SLC38A6: variants seen among roughly 807,000 people sequenced by gnomAD.
SLC38A6 encodes solute carrier family 38 member 6.
Under a neutral mutation model 65.0 loss-of-function variants are expected in SLC38A6, and 73 were observed. The observed-to-expected ratio is 1.12, with a 90% confidence interval of 0.93 to 1.37. The LOEUF (loss-of-function observed/expected upper bound fraction) is 1.37. SLC38A6 is among the 40% of genes most tolerant of loss of function. The pLI is 0.00. For synonymous variants in SLC38A6, 183 were observed against 178.8 expected (o/e 1.02, Z -0.19); for missense variants, 561 against 531.1 (o/e 1.06, Z -0.55).
intron 3 of SLC38A6, among the ~76,000 whole-genome samples, chr14:60,986,880 G>A (rs977751800): frequency 6.6e-6 from 1 of 152,146 alleles, no homozygotes; most frequent in Non-Finnish European, 1.5e-5. Context: ...TTATGTGGGA[G>A]TAGTATTCAG....
At chr14:61,001,547 G>T (rs2038710264) in intron 3 of SLC38A6, among the ~76,000 whole-genome samples, 2 of 152,162 alleles carry the variant, frequency 1.3e-5, no homozygotes, top group African/African-American at 2.4e-5. Context: ...ACACACTTAT[G>T]CAGAACTTAG....
intron 3 of SLC38A6, among the ~76,000 whole-genome samples, chr14:61,011,380 C>T (rs2039554169): frequency 6.6e-6 from 1 of 152,074 alleles, no homozygotes; most frequent in Non-Finnish European, 1.5e-5. Flanking sequence ...ATTTCCTTCT[C>T]CTGCCTGATT....
At chr14:61,074,178 A>T (rs1015315791) in intron 15 of SLC38A6, among the ~76,000 whole-genome samples, 1 of 152,234 alleles carries the variant, frequency 6.6e-6, no homozygotes, top group African/African-American at 2.4e-5. Flanking sequence ...TGACCCCCAC[A>T]TTGTTCAAAG....
chr14:61,075,493 T>C (rs991542087), intron 15 of SLC38A6, among the ~76,000 whole-genome samples: 2 of 152,194 alleles, frequency 1.3e-5, no homozygotes, highest in Non-Finnish European at 2.9e-5. Flanking sequence ...AACCAACTTT[T>C]CCTAATTCTC....
chr14:61,013,479 T>C (rs2039743262), intron 3 of SLC38A6, among the ~76,000 whole-genome samples: 1 of 152,232 alleles, frequency 6.6e-6, no homozygotes, highest in Non-Finnish European at 1.5e-5. Context: ...CTTCCTAGCC[T>C]TGATGGTCTT....
rs774265572 is a variant in SLC38A6, at chr14:61,052,118, T to C, written c.1273T>C (p.Ser425Pro). The C allele has an allele frequency of 1.3e-6, 2 of 1,563,722 alleles. No homozygotes were observed. The highest frequency in any genetic ancestry group is 2.5e-5 in the South Asian group (2 of 80,560). Reference sequence around the variant, plus strand: ...TAAACTTAGCAGAGAGGATTTTCTGTCATGGAAAAAGCTTGGGGTAGGTTG... The same window carrying C: ...TAAACTTAGCAGAGAGGATTTTCTGCCATGGAAAAAGCTTGGGGTAGGTTG... ...YLKLSREDFL[S>P]WKKLGAFVLL... The change falls in exon 15 of 16, where the codon TCA becomes CCA. Residue 425 changes from serine to proline, a missense_variant. Transcript: ENST00000267488.
At chr14:61,081,719 T>C (rs2043660111) in intron 16 of SLC38A6, among the ~76,000 whole-genome samples, 1 of 152,116 alleles carries the variant, frequency 6.6e-6, no homozygotes, top group African/African-American at 2.4e-5. Flanking sequence ...CTAAGTACTT[T>C]TGTTACTGAG....
At chr14:61,078,973 C>T in intron 16 of SLC38A6, 1 of 155,286 alleles carries the variant, frequency 6.4e-6, no homozygotes, top group Non-Finnish European at 1.4e-5. Flanking sequence ...TTTGTAGAGA[C>T]AGGGTTTCAC....
chr14:61,017,334 C>T lies in SLC38A6; in HGVS notation c.363+1378C>T, dbSNP rs114702814. On this transcript the variant is annotated intron_variant, in intron 4 of 15. Coordinates refer to ENST00000267488, the MANE Select transcript of SLC38A6 (RefSeq NM_153811.3). Reference sequence around the variant, plus strand: ...GGATTACAGCGTTAGCCACCGCGCCCGGCCCTAACTTTGTTTTTAAAGTAC... The same window carrying T: ...GGATTACAGCGTTAGCCACCGCGCCTGGCCCTAACTTTGTTTTTAAAGTAC... Among the ~76,000 whole-genome samples, 593 of 152,282 alleles carry T rather than the reference C, an allele frequency of 3.9e-3. 5 individuals are homozygous for T. Among genetic ancestry groups the T allele is most frequent in the African/African-American group, 0.013 (554 of 41,552 alleles).
In SLC38A6 at chr14:61,075,929, C is replaced by T. The variant is rs534030607; in HGVS notation, c.1291-2881C>T. 2.0e-5 allele frequency among the ~76,000 whole-genome samples: 3 copies of T among 152,130 alleles called. No individual in the cohort carries two copies. The East Asian group carries it at 5.8e-4, about 29-fold the overall frequency. ...GGAGTGCAATGCTGTGATCTCGGCT[C>T]ACTGTAACCTCCACCTCCCAGGTTC... On this transcript the variant is annotated intron_variant, in intron 15 of 16. Coordinates refer to the SLC38A6 transcript ENST00000354886.
intron 3 of SLC38A6, among the ~76,000 whole-genome samples, chr14:61,014,275 A>G (rs1032490977): frequency 3.3e-5 from 5 of 151,978 alleles, no homozygotes; most frequent in Non-Finnish European, 7.4e-5. Flanking sequence ...TATTCTAGTT[A>G]GCCATTCGTC....
chr14:61,027,404 A>G (rs2040667975), intron 5 of SLC38A6, among the ~76,000 whole-genome samples: 1 of 152,074 alleles, frequency 6.6e-6, no homozygotes, highest in East Asian at 1.9e-4. Context: ...TGTTTTAGGA[A>G]TCTATACTAG....
chr14:61,012,922 C>T (rs928037113), intron 3 of SLC38A6, among the ~76,000 whole-genome samples: 11 of 152,260 alleles, frequency 7.2e-5, no homozygotes, highest in African/African-American at 1.9e-4. Context: ...GAGCTGAGTT[C>T]AATTCCTGGA....
At chr14:61,005,219 A>C (rs2039004099) in intron 3 of SLC38A6, among the ~76,000 whole-genome samples, 1 of 151,946 alleles carries the variant, frequency 6.6e-6, no homozygotes, top group African/African-American at 2.4e-5. Context: ...ACCCACAGCC[A>C]ATATCATACT....
intron 3 of SLC38A6, among the ~76,000 whole-genome samples, chr14:61,010,288 A>T (rs1359828793): frequency 2.6e-5 from 4 of 152,086 alleles, no homozygotes; most frequent in Admixed American, 2.0e-4. Context: ...GCCCTTTGTC[A>T]GAAGAGTAGG....
intron 15 of SLC38A6, among the ~76,000 whole-genome samples, chr14:61,064,032 T>A (rs1310573206): frequency 6.6e-6 from 1 of 152,242 alleles, no homozygotes; most frequent in African/African-American, 2.4e-5. Flanking sequence ...TTTCTTCATC[T>A]TGCATGAGAA....
intron 16 of SLC38A6, among the ~76,000 whole-genome samples, chr14:61,082,922 T>C (rs1594810262): frequency 6.6e-6 from 1 of 152,176 alleles, no homozygotes; most frequent in African/African-American, 2.4e-5. Flanking sequence ...AATGACCCTA[T>C]AGACACAGTG....
At chr14:61,032,694 G>A (rs578097265) in intron 6 of SLC38A6, among the ~76,000 whole-genome samples, 11 of 151,784 alleles carry the variant, frequency 7.2e-5, no homozygotes, top group African/African-American at 2.7e-4. Flanking sequence ...CTTGAATGCA[G>A]ATAAATCATT....
chr14:61,073,482 C>A (rs1257952443), intron 15 of SLC38A6, among the ~76,000 whole-genome samples: 1 of 152,082 alleles, frequency 6.6e-6, no homozygotes, highest in African/African-American at 2.4e-5. Context: ...AGACACCATT[C>A]ATTTATATTT....
Sources: gnomAD v4.1 joint callset for allele counts (sites outside exome capture counted in the v4.1 genomes callset) on GRCh38, gnomAD v4.1.1 for gene constraint, MANE v1.5 for transcripts, NCBI Gene and HGNC (gene_info 2026-07-23, HGNC 2026-07-21) for gene names.